Variants in JMJD1C observed in about 807,000 individuals in gnomAD.
The protein encoded by JMJD1C is jumonji domain containing 1C.
JMJD1C carries 31 observed loss-of-function variants against 245.3 expected under a neutral mutation model. That is an observed-to-expected ratio of 0.13 (90% confidence interval 0.09 to 0.17). JMJD1C has a LOEUF of 0.17. JMJD1C is among the 10% of genes least tolerant of loss of function. The pLI is 1.00. For missense variants in JMJD1C, 2,691 were observed against 3,000.2 expected (o/e 0.90, Z 2.41); for synonymous variants, 1,057 against 1,017.4 (o/e 1.04, Z -0.74).
intron 1 of JMJD1C, among the ~76,000 whole-genome samples, chr10:63,415,122 T>C (rs1367196275): frequency 6.6e-6 from 1 of 152,174 alleles, no homozygotes; most frequent in Non-Finnish European, 1.5e-5. Context: ...CAGTATGACT[T>C]TGTGTAAACA....
intron 2 of JMJD1C, among the ~76,000 whole-genome samples, chr10:63,280,431 T>A (rs984577492): frequency 1.3e-5 from 2 of 152,064 alleles, no homozygotes; most frequent in African/African-American, 2.4e-5. Context: ...GCACCTGTAG[T>A]CCCAGTTACT....
At chr10:63,490,908 A>T (rs1468964883) in intron 1 of JMJD1C, among the ~76,000 whole-genome samples, 1 of 152,248 alleles carries the variant, frequency 6.6e-6, no homozygotes, top group African/African-American at 2.4e-5. Context: ...TGACAAAAAT[A>T]ACAGTTAACA....
intron 10 of JMJD1C, among the ~76,000 whole-genome samples, chr10:63,206,379 T>C (rs1005119396): frequency 6.6e-6 from 1 of 152,234 alleles, no homozygotes; most frequent in Non-Finnish European, 1.5e-5. Flanking sequence ...TCTACAAGTC[T>C]TTTAAAAATA....
chr10:63,180,291 G>T (rs1197613605), intron 22 of JMJD1C, among the ~76,000 whole-genome samples: 2 of 152,182 alleles, frequency 1.3e-5, no homozygotes, highest in Non-Finnish European at 2.9e-5. Context: ...GATTACAGGC[G>T]TGAGCCACTG....
chr10:63,340,465 T>C (rs1354687515), intron 2 of JMJD1C, among the ~76,000 whole-genome samples: 3 of 152,180 alleles, frequency 2.0e-5, no homozygotes, highest in Non-Finnish European at 2.9e-5. Context: ...AAAGATACTA[T>C]TGAAAATGTC....
intron 2 of JMJD1C, among the ~76,000 whole-genome samples, chr10:63,352,314 T>G (rs749341691): frequency 4.6e-5 from 7 of 152,012 alleles, no homozygotes; most frequent in Non-Finnish European, 7.4e-5. Context: ...TTGATAAAAG[T>G]TTATTAGATA....
chr10:63,461,457 A>G lies in JMJD1C; in HGVS notation c.168+4038T>C, dbSNP rs183464570. ...CAACTAAATAAGAAACTTAAATGAG[A>G]AAACTAAGCAGAAATGTGTAGACCC... On this transcript the variant is annotated intron_variant, in intron 1 of 25. Transcript: ENST00000399262. Among the ~76,000 whole-genome samples the G allele has an allele frequency of 2.4e-3, 365 of 152,324 alleles. 3 individuals are homozygous for G. The South Asian group carries it at 0.029, about 12-fold the overall frequency.
At chr10:63,318,355 T>C (rs1180786410) in intron 2 of JMJD1C, among the ~76,000 whole-genome samples, 3 of 152,180 alleles carry the variant, frequency 2.0e-5, no homozygotes, top group Non-Finnish European at 2.9e-5. Context: ...CCATGTCTAA[T>C]ATCTTGAAAT....
chr10:63,515,895 C>CGACA (rs1056601237), intron 1 of JMJD1C, among the ~76,000 whole-genome samples: 2 of 152,104 alleles, frequency 1.3e-5, no homozygotes, highest in African/African-American at 4.8e-5. Flanking sequence ...CCTAGTTTGT[C>CGACA]ATCTGTCTTT....
intron 1 of JMJD1C, among the ~76,000 whole-genome samples, chr10:63,459,527 AAGTT>A (rs1398107614): frequency 1.3e-5 from 2 of 152,226 alleles, no homozygotes; most frequent in Admixed American, 6.5e-5. Flanking sequence ...AATATTTAGA[AAGTT>A]AGATATTTAT....
At chr10:63,320,887 A>G (rs1462712781) in intron 2 of JMJD1C, among the ~76,000 whole-genome samples, 1 of 152,046 alleles carries the variant, frequency 6.6e-6, no homozygotes, top group African/African-American at 2.4e-5. Context: ...GCTTGTTACC[A>G]AGGGAACCAA....
intron 3 of JMJD1C, among the ~76,000 whole-genome samples, chr10:63,224,043 A>G (rs1848956125): frequency 6.6e-6 from 1 of 152,126 alleles, no homozygotes; most frequent in African/African-American, 2.4e-5. Flanking sequence ...CTCCGAGCCC[A>G]GCCTTATAAA....
chr10:63,418,531 G>A (rs907890166), intron 1 of JMJD1C, among the ~76,000 whole-genome samples: 1 of 152,098 alleles, frequency 6.6e-6, no homozygotes, highest in Admixed American at 6.5e-5. Flanking sequence ...CAAAGGAAAG[G>A]ATACCTTCAC....
At chr10:63,316,013 T>TA (rs980059319) in intron 2 of JMJD1C, among the ~76,000 whole-genome samples, 20 of 151,716 alleles carry the variant, frequency 1.3e-4, no homozygotes, top group South Asian at 4.2e-4. Flanking sequence ...CCTTAAAAAA[T>TA]AAAAAAATTA....
rs373943626 is a variant in JMJD1C, at chr10:63,248,529, G to GATAAATAAATAA, written c.447+16110_447+16121dup. Among the ~76,000 whole-genome samples, 610 of 137,040 alleles carry GATAAATAAATAA rather than the reference G, an allele frequency of 4.5e-3. 4 individuals are homozygous for GATAAATAAATAA. Among genetic ancestry groups the GATAAATAAATAA allele is most frequent in the South Asian group, 0.017 (67 of 4,052 alleles). The allele number at this position is 137,040 out of a possible 152,430, so 89.9% of individuals were successfully genotyped here. ...GAATGAGACCTCATCTCAATAGATA[G>GATAAATAAATAA]ATAAATAAATAAATAAATAAATAAA... On this transcript the variant is annotated intron_variant, in intron 3 of 25. Transcript: ENST00000399262.
At chr10:63,490,225 T>C (rs1202484580) in intron 1 of JMJD1C, among the ~76,000 whole-genome samples, 3 of 152,134 alleles carry the variant, frequency 2.0e-5, no homozygotes, top group East Asian at 1.9e-4. Flanking sequence ...GCTTCCTTTA[T>C]GGGAATGCAC....
chr10:63,298,833 A>G (rs1859739857), intron 2 of JMJD1C, among the ~76,000 whole-genome samples: 1 of 152,136 alleles, frequency 6.6e-6, no homozygotes, highest in Non-Finnish European at 1.5e-5. Flanking sequence ...CCCGGGTTCA[A>G]GCGATTCTCC....
chr10:63,357,722 C>T (rs1293466343), intron 2 of JMJD1C, among the ~76,000 whole-genome samples: 2 of 151,898 alleles, frequency 1.3e-5, no homozygotes, highest in African/African-American at 4.8e-5. Flanking sequence ...CTACATAATG[C>T]TTAGCCAACA....
chr10:63,419,670 C>G (rs1950005920), intron 1 of JMJD1C, among the ~76,000 whole-genome samples: 1 of 151,834 alleles, frequency 6.6e-6, no homozygotes, highest in Admixed American at 6.6e-5. Context: ...ATCCTGGGAG[C>G]AAAAGTAACC....
Sources: gnomAD v4.1 joint callset for allele counts (sites outside exome capture counted in the v4.1 genomes callset) on GRCh38, gnomAD v4.1.1 for gene constraint, MANE v1.5 for transcripts, NCBI Gene and HGNC (gene_info 2026-07-23, HGNC 2026-07-21) for gene names.